Variants in PTPRG observed in about 807,000 individuals in gnomAD.
The protein encoded by PTPRG is receptor-type tyrosine-protein phosphatase gamma.
Under a neutral mutation model 165.3 loss-of-function variants are expected in PTPRG, and 102 were observed. The ratio of observed to expected loss-of-function variants is 0.62; its 90% CI spans 0.53 to 0.73. The LOEUF (loss-of-function observed/expected upper bound fraction) is 0.73. Ranked by LOEUF, PTPRG falls within the 30% of genes least tolerant of loss-of-function variation. The pLI is 0.00. For missense variants in PTPRG, 1,866 were observed against 1,861.4 expected (o/e 1.00, Z -0.05); for synonymous variants, 675 against 669.5 (o/e 1.01, Z -0.13).
intron 1 of PTPRG, among the ~76,000 whole-genome samples, chr3:61,565,626 A>G (rs1415229808): frequency 1.3e-5 from 2 of 150,604 alleles, no homozygotes; most frequent in Admixed American, 6.6e-5. Context: ...TTTTTAATTG[A>G]TTTTTGTCTT....
At chr3:61,922,109 C>T (rs1044258307) in intron 2 of PTPRG, among the ~76,000 whole-genome samples, 2 of 152,222 alleles carry the variant, frequency 1.3e-5, no homozygotes, top group African/African-American at 4.8e-5. Context: ...CTTGTGAGCC[C>T]TGTACTTTTA....
intron 5 of PTPRG, among the ~76,000 whole-genome samples, chr3:62,090,639 C>T (rs1559493319): frequency 6.6e-6 from 1 of 152,184 alleles, no homozygotes; most frequent in Non-Finnish European, 1.5e-5. Context: ...GTCTGACTCT[C>T]TTTGAATATT....
At chr3:61,995,365 C>T (rs1194790317) in intron 3 of PTPRG, among the ~76,000 whole-genome samples, 3 of 152,094 alleles carry the variant, frequency 2.0e-5, no homozygotes, top group African/African-American at 7.2e-5. Context: ...GCTGGGATTA[C>T]AGGCATGAGC....
At chr3:62,149,574 T>A (rs1011368112) in intron 6 of PTPRG, among the ~76,000 whole-genome samples, 1 of 152,172 alleles carries the variant, frequency 6.6e-6, no homozygotes. Flanking sequence ...CCGGCCATCT[T>A]CGTTCTAATC....
At chr3:62,110,352 A>G (rs1328636917) in intron 5 of PTPRG, among the ~76,000 whole-genome samples, 2 of 152,046 alleles carry the variant, frequency 1.3e-5, no homozygotes, top group Admixed American at 6.6e-5. Context: ...AGCATGCTCA[A>G]TAATTGATTT....
At chr3:61,659,089 A>C (rs1702591852) in intron 1 of PTPRG, among the ~76,000 whole-genome samples, 1 of 152,088 alleles carries the variant, frequency 6.6e-6, no homozygotes, top group South Asian at 2.1e-4. Flanking sequence ...ACAGTGCCCA[A>C]GACCTAGCAG....
intron 1 of PTPRG, among the ~76,000 whole-genome samples, chr3:61,584,049 C>G (rs538445057): frequency 6.6e-6 from 1 of 152,102 alleles, no homozygotes; most frequent in East Asian, 1.9e-4. Flanking sequence ...TTTGGTTTTT[C>G]GAGTTCATTC....
intron 1 of PTPRG, among the ~76,000 whole-genome samples, 192 bp downstream of exon 1, chr3:61,562,564 C>T (rs957977676): frequency 2.3e-5 from 3 of 133,218 alleles, no homozygotes; most frequent in Admixed American, 8.1e-5. Flanking sequence ...GGCTAGTGGT[C>T]GAGGAAGGTG....
In PTPRG at chr3:62,271,071, A is replaced by C. The variant is rs1463172051; in HGVS notation, c.3010-312A>C. On this transcript the variant is annotated intron_variant, in intron 20 of 29. Coordinates refer to ENST00000474889, the MANE Select transcript of PTPRG (RefSeq NM_002841.4). This position sits in a 1 kb window ranked among gnomAD's most constrained non-coding sequence, Gnocchi z 4.1. ...TGGACTTGGGGCAGAAAGTCAGGAA[A>C]TGGAGGCCTTGCAGGAAAAGTACAA... Among the ~76,000 whole-genome samples the C allele has an allele frequency of 6.6e-6, 1 of 152,202 alleles. No homozygotes were observed. The highest frequency in any genetic ancestry group is 2.4e-5 in the African/African-American group (1 of 41,458).
At chr3:62,265,063 G>A (rs183240593) in intron 17 of PTPRG, among the ~76,000 whole-genome samples, 24 of 151,594 alleles carry the variant, frequency 1.6e-4, no homozygotes, top group African/African-American at 4.4e-4. Flanking sequence ...GCATCTTTTC[G>A]TGCTTATTGG....
chr3:61,628,187 A>C (rs1368274474), intron 1 of PTPRG, among the ~76,000 whole-genome samples: 1 of 152,226 alleles, frequency 6.6e-6, no homozygotes, highest in African/African-American at 2.4e-5. Context: ...AATAAGACAA[A>C]TAAGAATTAG....
At chr3:62,174,525 A>G (rs202067126) in intron 8 of PTPRG, among the ~76,000 whole-genome samples, 1 of 152,222 alleles carries the variant, frequency 6.6e-6, no homozygotes, top group Non-Finnish European at 1.5e-5. Context: ...AAGCACTTTT[A>G]AAGGACATGT....
At chr3:61,843,207 C>T (rs757604974) in intron 2 of PTPRG, among the ~76,000 whole-genome samples, 1 of 152,000 alleles carries the variant, frequency 6.6e-6, no homozygotes, top group Non-Finnish European at 1.5e-5. Context: ...TAATCTATAG[C>T]CCATCTGAAG....
chr3:62,231,895 G>A (rs2106923866), intron 14 of PTPRG, among the ~76,000 whole-genome samples: 1 of 151,892 alleles, frequency 6.6e-6, no homozygotes, highest in African/African-American at 2.4e-5. Context: ...TTATTGTCCT[G>A]GAAAGAGTTA....
chr3:62,123,309 T>G (rs1208157421), intron 5 of PTPRG, among the ~76,000 whole-genome samples: 7 of 152,206 alleles, frequency 4.6e-5, no homozygotes, highest in Admixed American at 4.6e-4. Flanking sequence ...CTTTTGGCAT[T>G]ATCATAGCTC....
At chr3:61,758,695 C>T (rs535345106) in intron 2 of PTPRG, among the ~76,000 whole-genome samples, 4 of 151,966 alleles carry the variant, frequency 2.6e-5, no homozygotes, top group African/African-American at 9.7e-5. Context: ...TCAGGTGATC[C>T]GCCCACCTCA....
chr3:62,086,179 T>A (rs937641764), intron 5 of PTPRG, among the ~76,000 whole-genome samples: 2 of 152,184 alleles, frequency 1.3e-5, no homozygotes, highest in Non-Finnish European at 1.5e-5. Flanking sequence ...CTTTTATTTA[T>A]GGTGACCTAA....
intron 5 of PTPRG, among the ~76,000 whole-genome samples, chr3:62,120,202 A>G (rs1703014540): frequency 6.6e-6 from 1 of 152,182 alleles, no homozygotes; most frequent in South Asian, 2.1e-4. Flanking sequence ...CAGCAGAGAA[A>G]GCAGGCAAAC....
intron 2 of PTPRG, among the ~76,000 whole-genome samples, chr3:61,985,272 A>G (rs2040731006): frequency 1.3e-5 from 2 of 152,180 alleles, no homozygotes; most frequent in Non-Finnish European, 2.9e-5. Flanking sequence ...CACCGCCACC[A>G]TAAGTTCCCT....
Sources: gnomAD v4.1 joint callset for allele counts (sites outside exome capture counted in the v4.1 genomes callset) on GRCh38, gnomAD v4.1.1 for gene constraint, Gnocchi (gnomAD v3.1) non-coding constraint, MANE v1.5 for transcripts, NCBI Gene and HGNC (gene_info 2026-07-23, HGNC 2026-07-21) for gene names.